Variants in SLC13A2 observed in about 807,000 individuals in gnomAD.
The protein encoded by SLC13A2 is solute carrier family 13 member 2.
In SLC13A2, 40 loss-of-function variants were observed where a neutral mutation model predicts 58.5. That is an observed-to-expected ratio of 0.68 (90% CI 0.53 to 0.89). The LOEUF (loss-of-function observed/expected upper bound fraction) is 0.89. Among genes scored for constraint, SLC13A2 ranks in the 40% least tolerant of loss-of-function variants. The pLI, the probability that SLC13A2 is intolerant of heterozygous loss-of-function variation, is 0.00. For synonymous variants in SLC13A2, 341 were observed against 331.6 expected (o/e 1.03, Z -0.31); for missense variants, 694 against 772.6 (o/e 0.90, Z 1.21).
At position 28,497,368 on chromosome 17, in the gene SLC13A2, C is replaced by A; in HGVS notation, c.*99C>A. 7.1e-7 allele frequency: 1 copy of A among 1,401,654 alleles called. No individual in the cohort carries two copies. The highest frequency in any genetic ancestry group is 1.4e-5 in the African/African-American group (1 of 69,468). 86.8% of individuals were successfully genotyped at this position (1,401,654 alleles called of 1,614,324 possible). A position where few individuals can be genotyped will look rare whatever the true frequency, so the allele number is the denominator to read the frequency against. On this transcript the variant is annotated 3_prime_UTR_variant, in exon 12 of 12. Transcript: ENST00000314669. The stretch of plus-strand genomic sequence containing the variant: ...CAAGCTCCAAGCTCCAAGCTCCAGG[C>A]CAAAGGCTGAAAGGCACGTGTGTAC...
rs782287021 is a variant in SLC13A2 at position 28,495,722 on chromosome 17, T to C, written c.1376T>C (p.Ile459Thr). The change falls in exon 10 of 12, where the codon ATT (isoleucine) becomes ACT (threonine). Residue 459 changes from isoleucine to threonine, a missense_variant. Ile to Thr is a moderately conservative substitution (Grantham distance 89). Coordinates refer to ENST00000314669, the MANE Select transcript of SLC13A2 (RefSeq NM_003984.4). ...TPLQSVPAPAIAIILSLLVAT... is the reference protein window; with the variant it reads ...TPLQSVPAPATAIILSLLVAT... ...CTGCAGAGTGTGCCAGCTCCAGCCA[T>C]TGCCATCATCCTCTCCCTCCTGGTG... is the stretch of plus-strand genomic sequence containing the variant. The C allele has an allele frequency of 6.8e-6, 11 of 1,613,036 alleles. No homozygotes were observed. Among genetic ancestry groups the C allele is most frequent in the Non-Finnish European group, 7.6e-6 (9 of 1,179,958 alleles).
At chr17:28,475,738 G>A (rs542201010) in intron 1 of SLC13A2, among the ~76,000 whole-genome samples, 2 of 152,256 alleles carry the variant, frequency 1.3e-5, no homozygotes, top group East Asian at 1.9e-4. Context: ...TTGCCGTGCT[G>A]TCTTCTCTTG....
chr17:28,491,945 C>T, intron 6 of SLC13A2, 93 bp downstream of exon 6: 1 of 1,506,168 alleles, frequency 6.6e-7, no homozygotes, highest in Non-Finnish European at 8.9e-7. Flanking sequence ...GATATTATCA[C>T]CATCCCAATG....
intron 1 of SLC13A2, among the ~76,000 whole-genome samples, chr17:28,481,017 G>A (rs1471681234): frequency 6.6e-6 from 1 of 152,130 alleles, no homozygotes; most frequent in Non-Finnish European, 1.5e-5. Context: ...TCCCCAACTT[G>A]GATTTTGCCC....
intron 1 of SLC13A2, among the ~76,000 whole-genome samples, chr17:28,477,431 T>C (rs988736257): frequency 2.6e-5 from 4 of 151,750 alleles, no homozygotes; most frequent in East Asian, 2.0e-4. Context: ...CCTGACCTCG[T>C]GATCCGCCCG....
intron 2 of SLC13A2, among the ~76,000 whole-genome samples, 195 bp downstream of exon 2, chr17:28,489,537 G>A (rs782012413): frequency 1.3e-5 from 2 of 152,314 alleles, no homozygotes; most frequent in African/African-American, 2.4e-5. Context: ...TTAGTGCTGC[G>A]AGTTCATTCA....
Position 28,496,395 on chromosome 17 carries a change from C to A in SLC13A2, c.1471-55C>A. 6.5e-7 allele frequency: 1 copy of A among 1,543,546 alleles called. No homozygotes were observed. Among genetic ancestry groups the A allele is most frequent in the Non-Finnish European group, 8.8e-7 (1 of 1,140,922 alleles). ...AAGCAGGAGAATTGGGGGCCATGCC[C>A]CTCCCTCTGGCTTGGGGACCAAGTT... On this transcript the variant is annotated intron_variant, in intron 10 of 11. Transcript: ENST00000314669. This position sits in a 1 kb window ranked among gnomAD's most constrained non-coding sequence, Gnocchi z 4.2.
intron 1 of SLC13A2, among the ~76,000 whole-genome samples, chr17:28,474,417 C>T (rs782631114): frequency 6.6e-6 from 1 of 152,086 alleles, no homozygotes; most frequent in Non-Finnish European, 1.5e-5. Context: ...CACAACCAGG[C>T]GTCACTGCCT....
At position 28,494,521 on chromosome 17, in the gene SLC13A2, C is replaced by A. The variant is rs782383578; in HGVS notation, c.1308+9C>A. On this transcript the variant is annotated intron_variant, in intron 9 of 11. Transcript: ENST00000314669. The surrounding 1 kb of genome is among the most constrained non-coding windows in gnomAD (Gnocchi z 4.0). Reference sequence around the variant, plus strand: ...TGGCCAAGGGCAGTGAGGTGAGAGGCCCCCAGCCCCCTCCTCAGCCTGTGT... The same window carrying A: ...TGGCCAAGGGCAGTGAGGTGAGAGGACCCCAGCCCCCTCCTCAGCCTGTGT... 3.7e-6 allele frequency: 6 copies of A among 1,613,510 alleles called. No individual in the cohort carries two copies. In the East Asian group the frequency reaches 1.3e-4, roughly 36 times the overall value.
At chr17:28,493,900 A>G in intron 7 of SLC13A2, 111 bp downstream of exon 7, 1 of 1,470,886 alleles carries the variant, frequency 6.8e-7, no homozygotes, top group Non-Finnish European at 9.4e-7. Flanking sequence ...TTGGTGGGGG[A>G]TGAAGGTTCC....
chr17:28,481,586 G>C (rs1390096267), intron 1 of SLC13A2, among the ~76,000 whole-genome samples: 2 of 152,204 alleles, frequency 1.3e-5, no homozygotes, highest in African/African-American at 4.8e-5. Context: ...GGAAGTAGGA[G>C]TAAAGAGTTT....
intron 1 of SLC13A2, among the ~76,000 whole-genome samples, chr17:28,478,862 G>A (rs2068735072): frequency 1.3e-5 from 2 of 152,218 alleles, no homozygotes; most frequent in African/African-American, 4.8e-5. Flanking sequence ...AGTGGGAGGA[G>A]TGGGGAGACA....
chr17:28,496,581 G>A lies in SLC13A2; in HGVS notation c.1602G>A (p.Leu534=). 6.2e-7 allele frequency: 1 copy of A among 1,611,982 alleles called. No individual in the cohort carries two copies. Among genetic ancestry groups the A allele is most frequent in the South Asian group, 1.1e-5 (1 of 90,780 alleles). The change falls in exon 11 of 12, where the codon TTG becomes TTA. Residue 534 remains leucine (L), a synonymous_variant. Transcript: ENST00000314669. The surrounding 1 kb of genome is among the most constrained non-coding windows in gnomAD (Gnocchi z 4.2). Reference sequence around the variant, plus strand: ...TCTCTTTCGGGGACCTCAAAGTGTTGGATATGGTAAGTGGCAGGGAGGCCT... The same window carrying A: ...TCTCTTTCGGGGACCTCAAAGTGTTAGATATGGTAAGTGGCAGGGAGGCCT... ...IVFSFGDLKV[L]DMARAGFLLN... is the part of the protein sequence containing the mutation.
At chr17:28,480,612 A>T (rs1555600903) in intron 1 of SLC13A2, among the ~76,000 whole-genome samples, 1 of 152,162 alleles carries the variant, frequency 6.6e-6, no homozygotes, top group Non-Finnish European at 1.5e-5. Context: ...AAACCCTGCC[A>T]TCTCTAAGGG....
At chr17:28,477,018 A>G (rs1432512110) in intron 1 of SLC13A2, among the ~76,000 whole-genome samples, 1 of 151,730 alleles carries the variant, frequency 6.6e-6, no homozygotes, top group Non-Finnish European at 1.5e-5. Flanking sequence ...AAATTAGCCA[A>G]GCATGGTGGT....
At chr17:28,489,570 G>A (rs984998017) in intron 2 of SLC13A2, among the ~76,000 whole-genome samples, 3 of 152,186 alleles carry the variant, frequency 2.0e-5, no homozygotes, top group Non-Finnish European at 2.9e-5. Flanking sequence ...TTAGCCAGCC[G>A]TAGGTGGGAG....
chr17:28,489,822 C>A (rs1318433778), intron 2 of SLC13A2, among the ~76,000 whole-genome samples: 1 of 152,202 alleles, frequency 6.6e-6, no homozygotes, highest in Non-Finnish European at 1.5e-5. Flanking sequence ...CTTTGAGAAC[C>A]ACTGTCTAGT....
intron 2 of SLC13A2, 131 bp downstream of exon 2, chr17:28,489,473 A>C: frequency 9.4e-7 from 1 of 1,065,746 alleles, no homozygotes; most frequent in South Asian, 2.0e-5. Context: ...CTGACTCTGC[A>C]TGAGGAAGAA....
chr17:28,485,552 G>C (rs781877257), intron 1 of SLC13A2, among the ~76,000 whole-genome samples: 2 of 152,110 alleles, frequency 1.3e-5, no homozygotes, highest in Non-Finnish European at 2.9e-5. Flanking sequence ...GGGAGTGCCC[G>C]AGAGTACCTG....
Sources: gnomAD v4.1 joint callset for allele counts (sites outside exome capture counted in the v4.1 genomes callset) on GRCh38, gnomAD v4.1.1 for gene constraint, Gnocchi (gnomAD v3.1) non-coding constraint, MANE v1.5 for transcripts, NCBI Gene and HGNC (gene_info 2026-07-23, HGNC 2026-07-21) for gene names.